KCNK9: variants seen among roughly 807,000 people sequenced by gnomAD.
KCNK9 encodes the protein potassium channel subfamily K member 9.
KCNK9 carries 1 observed loss-of-function variant against 10.8 expected under a neutral mutation model. The ratio of observed to expected loss-of-function variants is 0.09; its 90% CI spans 0.03 to 0.44. KCNK9 has a LOEUF of 0.44. KCNK9 is among the 20% of genes least tolerant of loss of function. The pLI, the probability that KCNK9 is intolerant of heterozygous loss-of-function variation, is 0.97. For synonymous variants in KCNK9, 231 were observed against 222.7 expected, an observed-to-expected ratio of 1.04 and a Z score of -0.33; for missense variants, 303 against 515.0, an observed-to-expected ratio of 0.59 and a Z score of 3.98.
At chr8:139,676,998 T>A (rs1056998271) in intron 1 of KCNK9, among the ~76,000 whole-genome samples, 2 of 151,694 alleles carry the variant, frequency 1.3e-5, no homozygotes, top group African/African-American at 4.9e-5. Flanking sequence ...AACAAAAAGG[T>A]GGTGAATCAC....
chr8:139,642,204 A>G (rs1257393009), intron 1 of KCNK9, among the ~76,000 whole-genome samples: 1 of 152,262 alleles, frequency 6.6e-6, no homozygotes, highest in African/African-American at 2.4e-5. Context: ...TAAAATTATA[A>G]AGCAACTAAA....
intron 1 of KCNK9, among the ~76,000 whole-genome samples, chr8:139,659,926 C>G (rs1172602860): frequency 6.6e-6 from 1 of 151,664 alleles, no homozygotes; most frequent in Non-Finnish European, 1.5e-5. Flanking sequence ...ATACCAGAAA[C>G]AATATATTGA....
chr8:139,632,788 A>G (rs920554055), intron 1 of KCNK9, among the ~76,000 whole-genome samples: 2 of 152,176 alleles, frequency 1.3e-5, no homozygotes, highest in Non-Finnish European at 2.9e-5. Flanking sequence ...CTGCCGAGAA[A>G]CAGTGGCTGT....
At chr8:139,691,140 A>G (rs1816926166) in intron 1 of KCNK9, among the ~76,000 whole-genome samples, 1 of 152,164 alleles carries the variant, frequency 6.6e-6, no homozygotes, top group Non-Finnish European at 1.5e-5. Flanking sequence ...CGGCTGGGTC[A>G]GACTGACAAG....
At chr8:139,684,314 T>A (rs1461885525) in intron 1 of KCNK9, among the ~76,000 whole-genome samples, 1 of 152,230 alleles carries the variant, frequency 6.6e-6, no homozygotes, top group Non-Finnish European at 1.5e-5. Flanking sequence ...GTTATAACAT[T>A]TGACTTATTT....
Position 139,618,814 on chromosome 8 carries a change from T to C in KCNK9, c.569A>G (p.Tyr190Cys). ...AGTCAACGTGATGAAGCAGTAGTAG[T>C]AGGCGTGGAAGAAGCTCCACTCCTC... ...QCEEWSFFHAYYYCFITLTTI... is the reference protein window; with the variant it reads ...QCEEWSFFHACYYCFITLTTI... Residue 190 changes from tyrosine (Y) to cysteine (C), a missense_variant, in exon 2 of 2, where the codon TAC becomes TGC. By Grantham distance (194) the Tyr-to-Cys change is radical. Around this residue, in one of 5 missense-constraint regions of KCNK9, gnomAD observed 53 missense variants for 134.9 expected, o/e 0.39. Transcript: ENST00000520439. This position sits in a 1 kb window ranked among gnomAD's most constrained non-coding sequence, Gnocchi z 7.9. The C allele has an allele frequency of 1.9e-6, 3 of 1,614,182 alleles. No homozygotes were observed. The highest frequency in any genetic ancestry group is 2.5e-6 in the Non-Finnish European group (3 of 1,180,034).
intron 1 of KCNK9, among the ~76,000 whole-genome samples, chr8:139,684,511 A>G (rs577272717): frequency 6.6e-6 from 1 of 152,354 alleles, no homozygotes; most frequent in East Asian, 1.9e-4. Context: ...ATATGAACAT[A>G]TACATAACAA....
At chr8:139,625,245 AG>A (rs1382625654) in intron 1 of KCNK9, among the ~76,000 whole-genome samples, 3 of 152,176 alleles carry the variant, frequency 2.0e-5, no homozygotes, top group African/African-American at 7.2e-5. Flanking sequence ...CTGCTTCCAC[AG>A]GGCCTTCTTA....
downstream of KCNK9, among the ~76,000 whole-genome samples, chr8:139,608,992 C>T (rs1466726880): frequency 6.6e-6 from 1 of 151,684 alleles, no homozygotes; most frequent in Admixed American, 6.6e-5. Flanking sequence ...TGCCCACTGC[C>T]CCCACCCCCG....
intron 1 of KCNK9, among the ~76,000 whole-genome samples, chr8:139,630,039 G>A (rs546417797): frequency 1.3e-4 from 19 of 151,904 alleles, no homozygotes; most frequent in Non-Finnish European, 2.4e-4. Flanking sequence ...AAGCAGGTTA[G>A]TGGTTGCCTA....
intron 1 of KCNK9, among the ~76,000 whole-genome samples, chr8:139,672,284 C>G (rs150641318): frequency 9.9e-5 from 15 of 152,264 alleles, no homozygotes; most frequent in African/African-American, 3.6e-4. Context: ...TCGGGGCTGG[C>G]ACAACGATTC....
At chr8:139,632,495 T>A (rs1349601388) in intron 1 of KCNK9, among the ~76,000 whole-genome samples, 1 of 152,092 alleles carries the variant, frequency 6.6e-6, no homozygotes, top group East Asian at 1.9e-4. Context: ...ATATGTGACC[T>A]CCTCCTGCTC....
chr8:139,688,897 C>T (rs752754380), intron 1 of KCNK9, among the ~76,000 whole-genome samples: 2 of 152,178 alleles, frequency 1.3e-5, no homozygotes, highest in Non-Finnish European at 2.9e-5. Flanking sequence ...TAGCAGGTTA[C>T]TGTGGGCTGA....
At chr8:139,692,147 A>C (rs1442110655) in intron 1 of KCNK9, among the ~76,000 whole-genome samples, 3 of 152,198 alleles carry the variant, frequency 2.0e-5, no homozygotes, top group African/African-American at 7.2e-5. Context: ...GCTGGAAAGA[A>C]CCTGCTCTCT....
In KCNK9 at chr8:139,700,204, T is replaced by G. The variant is rs188598013; in HGVS notation, c.283+2506A>C. 4.4e-3 allele frequency among the ~76,000 whole-genome samples: 672 copies of G among 152,304 alleles called. 6 individuals are homozygous for G. Among genetic ancestry groups the G allele is most frequent in the African/African-American group, 0.015 (637 of 41,564 alleles). On this transcript the variant is annotated intron_variant, in intron 1 of 1. Transcript: ENST00000520439. ...CTCGATCAGGCTTCGTCCAAGAGCG[T>G]GGATTCCGTTCCTACTAAGTGCCGG...
intron 2 of KCNK9, among the ~76,000 whole-genome samples, chr8:139,605,664 T>A (rs758629290): frequency 6.6e-6 from 1 of 152,132 alleles, no homozygotes; most frequent in Admixed American, 6.5e-5. Flanking sequence ...TGGAAAAAAA[T>A]TAGAAAAATG....
chr8:139,685,203 A>T (rs569696860), intron 1 of KCNK9, among the ~76,000 whole-genome samples: 30 of 152,380 alleles, frequency 2.0e-4, no homozygotes, highest in African/African-American at 7.2e-4. Flanking sequence ...TTTAAAATAC[A>T]GAAATTATGC....
At chr8:139,671,530 A>T (rs28520682) in intron 1 of KCNK9, among the ~76,000 whole-genome samples, 966 of 71,532 alleles carry the variant, frequency 0.014, 12 homozygotes, top group South Asian at 0.028. Flanking sequence ...TTTTTTTTTT[A>T]GATGGAGTCT....
At chr8:139,673,133 C>T (rs1026531007) in intron 1 of KCNK9, among the ~76,000 whole-genome samples, 1 of 151,920 alleles carries the variant, frequency 6.6e-6, no homozygotes, top group African/African-American at 2.4e-5. Context: ...GAGTGCCCAG[C>T]GGAACTGGGC....
Sources: gnomAD v4.1 joint callset for allele counts (sites outside exome capture counted in the v4.1 genomes callset) on GRCh38, gnomAD v4.1.1 for gene constraint, gnomAD v4.1.1 regional missense constraint, Gnocchi (gnomAD v3.1) non-coding constraint, MANE v1.5 for transcripts, NCBI Gene and HGNC (gene_info 2026-07-23, HGNC 2026-07-21) for gene names.